Variants in NSMAF observed in about 807,000 individuals in gnomAD.
The protein encoded by NSMAF is neutral sphingomyelinase activation associated factor.
Under a neutral mutation model 134.9 loss-of-function variants are expected in NSMAF, and 90 were observed. The observed-to-expected ratio is 0.67, with a 90% confidence interval of 0.56 to 0.79. NSMAF has a LOEUF of 0.79. Among genes scored for constraint, NSMAF ranks in the 30% least tolerant of loss-of-function variants. The pLI is 0.00. For synonymous variants in NSMAF, 358 were observed against 389.6 expected, an observed-to-expected ratio of 0.92 and a Z score of 0.96; for missense variants, 1,010 against 1,119.0, an observed-to-expected ratio of 0.90 and a Z score of 1.39.
intron 1 of NSMAF, among the ~76,000 whole-genome samples, chr8:58,650,087 C>G (rs907308556): frequency 6.6e-6 from 1 of 152,218 alleles, no homozygotes; most frequent in Non-Finnish European, 1.5e-5. Context: ...GACATAAGCA[C>G]TTGGGTACCA....
At chr8:58,650,267 G>A (rs1807553993) in intron 1 of NSMAF, among the ~76,000 whole-genome samples, 1 of 152,286 alleles carries the variant, frequency 6.6e-6, no homozygotes, top group South Asian at 2.1e-4. Flanking sequence ...GGCAACTTTG[G>A]AAGTTTTTTT....
intron 12 of NSMAF, among the ~76,000 whole-genome samples, chr8:58,604,814 GC>G (rs1368219363): frequency 6.6e-6 from 1 of 152,068 alleles, no homozygotes; most frequent in Non-Finnish European, 1.5e-5. Flanking sequence ...TGTGATCACT[GC>G]CCACTGCAGC....
intron 23 of NSMAF, among the ~76,000 whole-genome samples, chr8:58,593,044 A>C (rs1806054397): frequency 6.6e-6 from 1 of 152,236 alleles, no homozygotes; most frequent in Admixed American, 6.5e-5. Flanking sequence ...ATACAAGTAC[A>C]ACTGTGCTGA....
intron 1 of NSMAF, among the ~76,000 whole-genome samples, chr8:58,645,910 G>A (rs28548238): frequency 0.048 from 7,342 of 152,042 alleles, 486 homozygotes; most frequent in East Asian, 0.23. Context: ...GCGTGGTGGC[G>A]GGCGCCTATA....
chr8:58,624,533 GTTGT>G (rs957236001), intron 6 of NSMAF, among the ~76,000 whole-genome samples: 1 of 150,458 alleles, frequency 6.6e-6, no homozygotes, highest in African/African-American at 2.4e-5. Flanking sequence ...TTGAGAGAAT[GTTGT>G]TTAATTTTCA....
At chr8:58,622,928 T>C (rs775648189) in intron 9 of NSMAF, among the ~76,000 whole-genome samples, 16 of 152,124 alleles carry the variant, frequency 1.1e-4, no homozygotes, top group Admixed American at 8.5e-4. Context: ...CTAAAAGCTG[T>C]GCTAGTGTTC....
chr8:58,627,813 C>A (rs750253162), intron 6 of NSMAF, among the ~76,000 whole-genome samples: 1 of 152,040 alleles, frequency 6.6e-6, no homozygotes, highest in Non-Finnish European at 1.5e-5. Context: ...AGATTCAATG[C>A]AGTTCTTATC....
chr8:58,599,474 T>C (rs1324253402), intron 18 of NSMAF, 111 bp from the exon 19 acceptor site: 1 of 1,221,458 alleles, frequency 8.2e-7, no homozygotes, highest in Non-Finnish European at 1.1e-6. Flanking sequence ...GAGGTCCATA[T>C]TTCTTAATGC....
rs938127706 is a variant in NSMAF at position 58,586,301 on chromosome 8, T to C, written c.2446+157A>G. ...CAAATGCCACAAGTATACTGTACCCTGGCATAAAGCAGTGTTAGCCATTGG... is the reference window on the plus strand; with the variant it reads ...CAAATGCCACAAGTATACTGTACCCCGGCATAAAGCAGTGTTAGCCATTGG... On this transcript the variant is annotated intron_variant, in intron 28 of 30. Transcript: ENST00000038176. The C allele has an allele frequency of 7.0e-6, 5 of 712,104 alleles. No individual in the cohort carries two copies. In the South Asian group the frequency reaches 9.4e-5, roughly 13 times the overall value. 44.1% of individuals were successfully genotyped at this position (712,104 alleles called of 1,614,324 possible). A position where few individuals can be genotyped will look rare whatever the true frequency, so the allele number is the denominator to read the frequency against.
At chr8:58,602,225 C>A in intron 13 of NSMAF, 88 bp from the exon 14 acceptor site, 1 of 1,040,790 alleles carries the variant, frequency 9.6e-7, no homozygotes, top group Non-Finnish European at 1.4e-6. Context: ...TTTACTTCCA[C>A]AAAAGTTTTT....
In NSMAF at chr8:58,599,257, C is replaced by G; in HGVS notation, c.1560G>C (p.Gly520=). ...IDLIFGYKQK[G]SDAVGAHNVF... is the part of the protein sequence containing the mutation. Reference sequence around the variant, plus strand: ...CATTATGGGCCCCAACTGCATCACTCCCTTTTTGTTTGTAGCCAAATATTA... The same window carrying G: ...CATTATGGGCCCCAACTGCATCACTGCCTTTTTGTTTGTAGCCAAATATTA... The change falls in exon 19 of 31, where the codon GGG becomes GGC. Residue 520 remains glycine (G), a synonymous_variant. Coordinates refer to ENST00000038176, the MANE Select transcript of NSMAF (RefSeq NM_003580.4). 1 of 1,613,842 alleles carries G rather than the reference C, an allele frequency of 6.2e-7. No homozygotes were observed. The highest frequency in any genetic ancestry group is 1.1e-5 in the South Asian group (1 of 91,048).
intron 26 of NSMAF, chr8:58,588,719 C>A: frequency 6.5e-7 from 1 of 1,533,922 alleles, no homozygotes; most frequent in Non-Finnish European, 8.9e-7. Flanking sequence ...TGCACGTGGC[C>A]GCGGCCCTTT....
chr8:58,603,537 G>A (rs2129141462), intron 12 of NSMAF, 151 bp from the exon 13 acceptor site: 6 of 678,506 alleles, frequency 8.8e-6, no homozygotes, highest in South Asian at 5.8e-5. Context: ...TTTTCATAAA[G>A]TATTTGTTCA....
At chr8:58,603,464 G>T in intron 12 of NSMAF, 78 bp from the exon 13 acceptor site, 1 of 1,338,622 alleles carries the variant, frequency 7.5e-7, no homozygotes, top group South Asian at 1.3e-5. Context: ...TTAACGTGTA[G>T]ACCATCCCTG....
chr8:58,656,058 G>C lies in NSMAF; in HGVS notation c.59+3515C>G, dbSNP rs555108638. On this transcript the variant is annotated intron_variant, in intron 1 of 30. Coordinates refer to ENST00000038176, the MANE Select transcript of NSMAF (RefSeq NM_003580.4). ...GTTTGAGATGGAGTCTCGCTCTGTCGCCCAGGCTGGAGTGCAATGGCACCA... is the reference window on the plus strand; with the variant it reads ...GTTTGAGATGGAGTCTCGCTCTGTCCCCCAGGCTGGAGTGCAATGGCACCA... Among the ~76,000 whole-genome samples the C allele has an allele frequency of 1.9e-3, 283 of 151,378 alleles. 2 individuals carry two copies. Among genetic ancestry groups the C allele is most frequent in the Admixed American group, 0.011 (164 of 15,228 alleles).
chr8:58,600,015 T>C lies in NSMAF; in HGVS notation c.1287A>G (p.Ala429=), dbSNP rs1408804801. The C allele has an allele frequency of 6.2e-7, 1 of 1,613,414 alleles. No homozygotes were observed. The highest frequency in any genetic ancestry group is 8.5e-7 in the Non-Finnish European group (1 of 1,179,574). Residue 429 remains alanine (A), a synonymous_variant, in exon 17 of 31, where the codon GCA becomes GCG. Transcript: ENST00000038176. Reference sequence around the variant, plus strand: ...CATCCAGACAGTTTTTCCAAGTTTCTGCAATACTACATATGAAAAAAAAAT... The same window carrying C: ...CATCCAGACAGTTTTTCCAAGTTTCCGCAATACTACATATGAAAAAAAAAT... ...DNADRMFNSI[A]ETWKNCLDGA...
rs550556340 is a variant in NSMAF at position 58,606,025 on chromosome 8, A to G, written c.770T>C (p.Val257Ala). Residue 257 changes from valine to alanine, a missense_variant, in exon 12 of 31, where the codon GTA becomes GCA. Val to Ala is a moderately conservative substitution (Grantham distance 64, BLOSUM62 0). Transcript: ENST00000038176. ...RHGLMPLGLE[V>A]FCTEDDLCSD... The stretch of plus-strand genomic sequence containing the variant: ...ACACAGATCATCTTCTGTGCAAAAT[A>G]CTTCCAAGCCCTATAAATTCAAAAA... The G allele has an allele frequency of 1.3e-6, 2 of 1,585,504 alleles. No homozygotes were observed. The highest frequency in any genetic ancestry group is 3.7e-5 in the Admixed American group (2 of 54,046).
At position 58,602,080 on chromosome 8, in the gene NSMAF, T is replaced by TC; in HGVS notation, c.1102_1103insG (p.Lys368ArgfsTer16). 1 of 1,613,636 alleles carries TC rather than the reference T, an allele frequency of 6.2e-7. No homozygotes were observed. Among genetic ancestry groups the TC allele is most frequent in the Non-Finnish European group, 8.5e-7 (1 of 1,179,584 alleles). On this transcript the variant is annotated frameshift_variant, in exon 14 of 31. Coordinates refer to ENST00000038176, the MANE Select transcript of NSMAF (RefSeq NM_003580.4). LOFTEE classifies it high-confidence loss of function. ...TACCAGTAGTCTCTCCAGCCGTTCCTTATTTAGGGCCCCTACTGGCTTACT... is the reference window on the plus strand; with the variant it reads ...TACCAGTAGTCTCTCCAGCCGTTCCTCTATTTAGGGCCCCTACTGGCTTACT...
At chr8:58,606,544 TAGC>T (rs1806415844) in intron 11 of NSMAF, among the ~76,000 whole-genome samples, 1 of 152,082 alleles carries the variant, frequency 6.6e-6, no homozygotes, top group African/African-American at 2.4e-5. Flanking sequence ...GCCTCTCGAG[TAGC>T]TAAGGCTACA....
Sources: allele counts gnomAD v4.1 joint callset (sites outside exome capture counted in the v4.1 genomes callset), GRCh38; gene constraint gnomAD v4.1.1; transcripts MANE v1.5; gene names NCBI Gene and HGNC (gene_info 2026-07-23, HGNC 2026-07-21).